Variants in MDGA2 observed in about 807,000 individuals in gnomAD.
MDGA2 encodes MAM domain containing glycosylphosphatidylinositol anchor 2, also known as MAM domain-containing glycosylphosphatidylinositol anchor protein 2.
MDGA2 carries 40 observed loss-of-function variants against 117.8 expected under a neutral mutation model. That is an observed-to-expected ratio of 0.34 (90% CI 0.26 to 0.44). The LOEUF (loss-of-function observed/expected upper bound fraction) is 0.44. Ranked by LOEUF, MDGA2 falls within the 20% of genes least tolerant of loss-of-function variation. The pLI is 1.00. For missense variants in MDGA2, 1,123 were observed against 1,250.6 expected, an observed-to-expected ratio of 0.90 and a Z score of 1.54; for synonymous variants, 452 against 439.0, an observed-to-expected ratio of 1.03 and a Z score of -0.37.
At chr14:46,929,561 T>C (rs1156627862) in intron 9 of MDGA2, among the ~76,000 whole-genome samples, 2 of 136,096 alleles carry the variant, frequency 1.5e-5, no homozygotes, top group South Asian at 2.5e-4. Context: ...GGCAAATGTA[T>C]ATATATCAAG....
chr14:47,180,096 TG>T (rs758224400), intron 3 of MDGA2, among the ~76,000 whole-genome samples: 6 of 152,144 alleles, frequency 3.9e-5, no homozygotes, highest in Non-Finnish European at 7.4e-5. Flanking sequence ...AATTGCGTCA[TG>T]GGGGTTTGTT....
intron 1 of MDGA2, among the ~76,000 whole-genome samples, chr14:47,568,072 T>C (rs1450659727): frequency 1.3e-5 from 2 of 152,062 alleles, no homozygotes; most frequent in East Asian, 3.9e-4. Context: ...GCTGGGGCCC[T>C]AATAATATGG....
chr14:47,240,114 G>A (rs1036315361), intron 2 of MDGA2, among the ~76,000 whole-genome samples: 4 of 151,506 alleles, frequency 2.6e-5, no homozygotes, highest in South Asian at 2.1e-4. Flanking sequence ...GCACGATCTC[G>A]GCTCCCTGCA....
chr14:47,267,181 T>G (rs952023044), intron 2 of MDGA2, among the ~76,000 whole-genome samples: 2 of 152,178 alleles, frequency 1.3e-5, no homozygotes, highest in Non-Finnish European at 1.5e-5. Context: ...CAGTAAAAGC[T>G]ATTTTGACCT....
At chr14:47,343,125 C>T (rs1163977115) in intron 1 of MDGA2, 3 of 1,220,504 alleles carry the variant, frequency 2.5e-6, no homozygotes, top group Non-Finnish European at 3.1e-6. Context: ...TCGAGGCACA[C>T]AATAATGAAA....
At chr14:47,219,556 A>G (rs778721454) in intron 2 of MDGA2, among the ~76,000 whole-genome samples, 1 of 152,052 alleles carries the variant, frequency 6.6e-6, no homozygotes, top group East Asian at 1.9e-4. Flanking sequence ...ATGGAAGCAT[A>G]CTAACACTTT....
At chr14:47,091,202 GAAATCTA>G (rs1879634349) in intron 6 of MDGA2, among the ~76,000 whole-genome samples, 1 of 152,008 alleles carries the variant, frequency 6.6e-6, no homozygotes, top group Admixed American at 6.6e-5. Flanking sequence ...ATCCAGAAAA[GAAATCTA>G]ATATGAGCTG....
intron 2 of MDGA2, among the ~76,000 whole-genome samples, chr14:47,272,198 A>G (rs765547617): frequency 1.3e-5 from 2 of 151,532 alleles, no homozygotes; most frequent in African/African-American, 4.9e-5. Context: ...AGACCTAACT[A>G]CCTGCCCAGG....
chr14:47,089,976 T>C (rs1266928966), intron 6 of MDGA2, among the ~76,000 whole-genome samples: 1 of 152,184 alleles, frequency 6.6e-6, no homozygotes, highest in Non-Finnish European at 1.5e-5. Flanking sequence ...TGTTAGTTAT[T>C]ACTATTCTCT....
In MDGA2 at chr14:47,164,160, G is replaced by T. The variant is rs535939186; in HGVS notation, c.596-19886C>A. Among the ~76,000 whole-genome samples the T allele has an allele frequency of 1.7e-4, 26 of 152,260 alleles. No homozygotes were observed. The South Asian group carries it at 4.6e-3, about 27-fold the overall frequency. ...GCTTGTATGGAACAGTTTATTAAAT[G>T]AGTATTAATCAATAGATATAGCTAT... On this transcript the variant is annotated intron_variant, in intron 3 of 16. Coordinates refer to ENST00000399232, the MANE Select transcript of MDGA2 (RefSeq NM_001113498.3).
intron 1 of MDGA2, among the ~76,000 whole-genome samples, chr14:47,662,304 G>A (rs1897865185): frequency 6.6e-6 from 1 of 151,894 alleles, no homozygotes; most frequent in South Asian, 2.1e-4. Flanking sequence ...ATCGATTTCT[G>A]CTTGAACATG....
At chr14:47,198,962 G>A (rs575470054) in intron 3 of MDGA2, among the ~76,000 whole-genome samples, 10 of 152,154 alleles carry the variant, frequency 6.6e-5, no homozygotes, top group African/African-American at 2.4e-4. Flanking sequence ...AAAACTTTAA[G>A]AACAGAGACT....
intron 8 of MDGA2, among the ~76,000 whole-genome samples, chr14:47,033,642 A>G (rs993835271): frequency 1.8e-4 from 28 of 152,220 alleles, no homozygotes; most frequent in African/African-American, 6.0e-4. Flanking sequence ...TAAACTGCTG[A>G]ATGAAACCTG....
intron 2 of MDGA2, among the ~76,000 whole-genome samples, chr14:47,277,157 C>T (rs939059532): frequency 9.9e-5 from 15 of 152,182 alleles, no homozygotes; most frequent in East Asian, 3.9e-4. Flanking sequence ...TGTTTTGCTT[C>T]CTTCCCTGCT....
At chr14:47,100,807 A>G (rs1462153336) in intron 5 of MDGA2, among the ~76,000 whole-genome samples, 1 of 151,424 alleles carries the variant, frequency 6.6e-6, no homozygotes, top group Non-Finnish European at 1.5e-5. Flanking sequence ...AATGTTTTAT[A>G]ATTAGTGTCA....
At chr14:47,175,643 C>T (rs1016927700) in intron 3 of MDGA2, among the ~76,000 whole-genome samples, 9 of 151,776 alleles carry the variant, frequency 5.9e-5, no homozygotes, top group Non-Finnish European at 7.4e-5. Context: ...ATTGATGGGA[C>T]GTATCTCAAA....
intron 9 of MDGA2, among the ~76,000 whole-genome samples, chr14:46,927,204 T>A (rs1235675702): frequency 6.6e-6 from 1 of 152,164 alleles, no homozygotes; most frequent in East Asian, 1.9e-4. Context: ...TTCTGTCAAG[T>A]CAAAAGAAAA....
Position 47,675,099 on chromosome 14 carries a change from G to T in MDGA2, c.-303C>A. ...AGCCGAGGAGCAGGAAGTGGCCTCTGACCCAGGACACCGAGCAGGGCTCTC... is the reference window on the plus strand; with the variant it reads ...AGCCGAGGAGCAGGAAGTGGCCTCTTACCCAGGACACCGAGCAGGGCTCTC... On this transcript the variant is annotated 5_prime_UTR_variant, in exon 1 of 17. Coordinates refer to ENST00000399232, the MANE Select transcript of MDGA2 (RefSeq NM_001113498.3). The T allele has an allele frequency of 1.3e-5, 2 of 159,714 alleles. No homozygotes were observed. Among genetic ancestry groups the T allele is most frequent in the South Asian group, 3.5e-4 (2 of 5,734 alleles). The allele number at this position is 159,714 out of a possible 1,614,324, so 9.9% of individuals were successfully genotyped here. A position where few individuals can be genotyped will look rare whatever the true frequency, so the allele number is the denominator to read the frequency against.
intron 2 of MDGA2, among the ~76,000 whole-genome samples, chr14:47,224,555 C>G (rs574035268): frequency 1.3e-5 from 2 of 152,232 alleles, no homozygotes; most frequent in Admixed American, 1.3e-4. Context: ...AAGCTCCTTT[C>G]TATTGTTTGC....
Sources: allele counts gnomAD v4.1 joint callset (sites outside exome capture counted in the v4.1 genomes callset), GRCh38; gene constraint gnomAD v4.1.1; transcripts MANE v1.5; gene names NCBI Gene and HGNC (gene_info 2026-07-23, HGNC 2026-07-21).